Variants in WASL observed in about 807,000 individuals in gnomAD.
The protein encoded by WASL is WASP like actin nucleation promoting factor, also known as actin nucleation-promoting factor WASL.
WASL carries 20 observed loss-of-function variants against 55.5 expected under a neutral mutation model. The observed-to-expected ratio is 0.36, with a 90% confidence interval of 0.25 to 0.52. WASL has a LOEUF of 0.52. WASL is among the 20% of genes least tolerant of loss of function. WASL has a pLI of 0.92. For synonymous variants in WASL, 249 were observed against 217.6 expected, an observed-to-expected ratio of 1.14 and a Z score of -1.27; for missense variants, 504 against 622.5, an observed-to-expected ratio of 0.81 and a Z score of 2.03.
chr7:123,704,370 T>A (rs997452686), intron 5 of WASL, among the ~76,000 whole-genome samples: 1 of 152,208 alleles, frequency 6.6e-6, no homozygotes, highest in Admixed American at 6.5e-5. Flanking sequence ...CTTCACCCTA[T>A]GTATTCTTTC....
At position 123,692,573 on chromosome 7, in the gene WASL, G is replaced by A; in HGVS notation, c.1121C>T (p.Pro374Leu). The A allele has an allele frequency of 1.2e-6, 2 of 1,613,062 alleles. No homozygotes were observed. The highest frequency in any genetic ancestry group is 2.2e-5 in the South Asian group (2 of 91,032). The change falls in exon 9 of 11, where the codon CCC (proline) becomes CTC (leucine). Residue 374 changes from proline (P) to leucine (L), a missense_variant. By Grantham distance (98) the Pro-to-Leu change is moderately conservative. This residue lies in a region of WASL where 201 missense variants were observed against 206.2 expected (regional missense o/e 0.97). Transcript: ENST00000223023. The part of the protein sequence containing the change: ...SVLGVGPVAP[P>L]PPPPPPPPPG... ...AGGAGGTGGAGGTGGAGGCGGTGGGGGTGGTGCCACTGGCCCTACCCCCAA... is the reference window on the plus strand; with the variant it reads ...AGGAGGTGGAGGTGGAGGCGGTGGGAGTGGTGCCACTGGCCCTACCCCCAA...
rs17695324 is a variant in WASL at position 123,684,809 on chromosome 7, A to G, written c.1457-229T>C. On this transcript the variant is annotated intron_variant, in intron 10 of 10. Transcript: ENST00000223023. ...AGAAGACAATGGTTCTAGTTCCTTA[A>G]TATCTATGTGACAAATTTCAACCTG... is the stretch of plus-strand genomic sequence containing the variant. Among the ~76,000 whole-genome samples the G allele has an allele frequency of 6.9e-3, 1,043 of 152,162 alleles. 7 individuals are homozygous for G. The highest frequency in any genetic ancestry group is 0.011 in the Non-Finnish European group (775 of 67,924).
At chr7:123,737,195 T>C (rs916686191) in intron 1 of WASL, among the ~76,000 whole-genome samples, 20 of 152,166 alleles carry the variant, frequency 1.3e-4, no homozygotes, top group Non-Finnish European at 1.0e-4. Context: ...AGACTGTTTA[T>C]GAATTTGTTT....
intron 1 of WASL, among the ~76,000 whole-genome samples, chr7:123,736,304 T>C (rs1461400754): frequency 6.6e-6 from 1 of 151,426 alleles, no homozygotes; most frequent in Non-Finnish European, 1.5e-5. Flanking sequence ...TACTTCTCCT[T>C]CTCACTGCAA....
intron 3 of WASL, 90 bp downstream of exon 3, chr7:123,706,650 A>G (rs1803676358): frequency 9.8e-7 from 1 of 1,022,450 alleles, no homozygotes. Context: ...ATTGAATTTG[A>G]TCTTTCAATA....
rs947289793 is a variant in WASL, at chr7:123,684,403, C to A, written c.*116G>T. 2 of 394,456 alleles carry A rather than the reference C, an allele frequency of 5.1e-6. No homozygotes were observed. Among genetic ancestry groups the A allele is most frequent in the Non-Finnish European group, 9.2e-6 (2 of 217,336 alleles). 24.4% of individuals were successfully genotyped at this position (394,456 alleles called of 1,614,324 possible). On this transcript the variant is annotated 3_prime_UTR_variant, in exon 11 of 11. Coordinates refer to ENST00000223023, the MANE Select transcript of WASL (RefSeq NM_003941.4). ...GATTAAAAAAAAGCAAAAAAGGCAA[C>A]AAAAATATACAGCAAATTGGTAGAA... is the stretch of plus-strand genomic sequence containing the variant.
At chr7:123,694,611 T>G (rs1296705515) in intron 8 of WASL, 104 bp downstream of exon 8, 2 of 1,221,150 alleles carry the variant, frequency 1.6e-6, no homozygotes, top group Non-Finnish European at 1.2e-6. Flanking sequence ...ACTTCAACAT[T>G]CTGCTCAAGG....
At chr7:123,734,186 G>C (rs1023970529) in intron 1 of WASL, among the ~76,000 whole-genome samples, 1 of 151,996 alleles carries the variant, frequency 6.6e-6, no homozygotes, top group African/African-American at 2.4e-5. Context: ...ACTGATAAAA[G>C]AAAGAAAAGG....
At chr7:123,688,465 A>G (rs967454572) in intron 10 of WASL, among the ~76,000 whole-genome samples, 12 of 152,196 alleles carry the variant, frequency 7.9e-5, no homozygotes, top group African/African-American at 2.4e-4. Context: ...GGTTCAAGCA[A>G]TTCTCCTGCC....
chr7:123,713,619 G>A (rs1227047934), intron 1 of WASL, among the ~76,000 whole-genome samples: 1 of 152,088 alleles, frequency 6.6e-6, no homozygotes, highest in Non-Finnish European at 1.5e-5. Flanking sequence ...GGCCTCAAAT[G>A]TCTGAAAACT....
chr7:123,695,284 TGTTGA>T (rs565145226), intron 7 of WASL, among the ~76,000 whole-genome samples: 114 of 152,284 alleles, frequency 7.5e-4, no homozygotes, highest in East Asian at 4.2e-3. Context: ...TCAGTATGTT[TGTTGA>T]GTTAACATTG....
At chr7:123,738,494 T>A (rs1804275670) in intron 1 of WASL, among the ~76,000 whole-genome samples, 1 of 152,216 alleles carries the variant, frequency 6.6e-6, no homozygotes, top group South Asian at 2.1e-4. Context: ...AAGTTCTAGT[T>A]CCTACTATCT....
At position 123,748,665 on chromosome 7, in the gene WASL, G is replaced by C. The variant is rs774434110; in HGVS notation, c.70C>G (p.Pro24Ala). 2 of 1,613,084 alleles carry C rather than the reference G, an allele frequency of 1.2e-6. No individual in the cohort carries two copies. Among genetic ancestry groups the C allele is most frequent in the Non-Finnish European group, 1.7e-6 (2 of 1,179,566 alleles). ...VTNVGSLLLTPQENESLFTFL... is the reference protein window; with the variant it reads ...VTNVGSLLLTAQENESLFTFL... The stretch of plus-strand genomic sequence containing the variant: ...GTGAAGAGGGACTCGTTCTCCTGCG[G>C]GGTGAGCAACAGGGACCCCACGTTG... The change falls in exon 1 of 11, where the codon CCG (proline) becomes GCG (alanine). Residue 24 changes from proline (P) to alanine (A), a missense_variant. Physicochemically the swap from Pro to Ala is conservative, Grantham distance 27. This residue lies in a region of WASL where 230 missense variants were observed against 271.9 expected (regional missense o/e 0.85). Transcript: ENST00000223023.
intron 1 of WASL, among the ~76,000 whole-genome samples, chr7:123,733,179 C>T (rs1804169748): frequency 2.0e-5 from 3 of 152,084 alleles, no homozygotes; most frequent in South Asian, 2.1e-4. Context: ...ACACAATAAA[C>T]GGTATACAGA....
chr7:123,686,167 CTAAGT>C (rs1189717162), intron 10 of WASL, among the ~76,000 whole-genome samples: 4 of 151,494 alleles, frequency 2.6e-5, no homozygotes, highest in African/African-American at 9.7e-5. Context: ...TAGCCCTAAA[CTAAGT>C]TGTTACTTTT....
chr7:123,700,384 CAA>C (rs1485078155), intron 5 of WASL, among the ~76,000 whole-genome samples: 1 of 151,262 alleles, frequency 6.6e-6, no homozygotes, highest in Non-Finnish European at 1.5e-5. Context: ...GTGACAGAAG[CAA>C]AAGTGTATTC....
At chr7:123,707,358 C>CT (rs1166057672) in intron 2 of WASL, among the ~76,000 whole-genome samples, 6 of 152,082 alleles carry the variant, frequency 3.9e-5, no homozygotes, top group Non-Finnish European at 8.8e-5. Flanking sequence ...TGCAGAGTAC[C>CT]TTTCTAATTA....
chr7:123,712,729 C>T (rs538365158), intron 1 of WASL, among the ~76,000 whole-genome samples: 14 of 152,240 alleles, frequency 9.2e-5, no homozygotes, highest in African/African-American at 3.4e-4. Flanking sequence ...CCATTACTAC[C>T]TCTATATATG....
chr7:123,702,712 T>C (rs1044828810), intron 5 of WASL, among the ~76,000 whole-genome samples: 3 of 152,200 alleles, frequency 2.0e-5, no homozygotes, highest in Admixed American at 6.5e-5. Context: ...TTACATCGTA[T>C]TAGGTATTAT....
Sources: gnomAD v4.1 joint callset for allele counts (sites outside exome capture counted in the v4.1 genomes callset) on GRCh38, gnomAD v4.1.1 for gene constraint, gnomAD v4.1.1 regional missense constraint, MANE v1.5 for transcripts, NCBI Gene and HGNC (gene_info 2026-07-23, HGNC 2026-07-21) for gene names.